WFDC8: variants seen among roughly 807,000 people sequenced by gnomAD.
The protein encoded by WFDC8 is WAP four-disulfide core domain 8, also known as WAP four-disulfide core domain protein 8.
In WFDC8, 24 loss-of-function variants were observed where a neutral mutation model predicts 27.0. The ratio of observed to expected loss-of-function variants is 0.89; its 90% CI spans 0.64 to 1.25. The LOEUF is 1.25. Among genes scored for constraint, WFDC8 ranks in the 50% most tolerant of loss-of-function variants. WFDC8 has a pLI of 0.00. For missense variants in WFDC8, 287 were observed against 295.9 expected, an observed-to-expected ratio of 0.97 and a Z score of 0.22; for synonymous variants, 106 against 99.7, an observed-to-expected ratio of 1.06 and a Z score of -0.38.
At chr20:45,575,991 C>A (rs1981032160) in intron 1 of WFDC8, among the ~76,000 whole-genome samples, 1 of 151,338 alleles carries the variant, frequency 6.6e-6, no homozygotes, top group Non-Finnish European at 1.5e-5. Context: ...ATACACCTTG[C>A]CCTAAGTTCA....
rs1380842669 is a variant in WFDC8, at chr20:45,558,918, C to G, written c.211G>C (p.Asp71His). The G allele has an allele frequency of 1.2e-6, 2 of 1,614,082 alleles. No homozygotes were observed. Among genetic ancestry groups the G allele is most frequent in the Non-Finnish European group, 1.7e-6 (2 of 1,180,038 alleles). ...CAGCACTTCTGGTATTCCTTGCAGT[C>G]AAAATCTGTGTTACATGAGTCCGGA... ...ELPDSCNTDF[D>H]CKEYQKCCFF... The change falls in exon 3 of 6, where the codon GAC becomes CAC. Residue 71 changes from aspartate (D) to histidine (H), a missense_variant. Coordinates refer to ENST00000289953, the MANE Select transcript of WFDC8 (RefSeq NM_130896.3).
At chr20:45,562,340 C>T in intron 1 of WFDC8, 121 bp from the exon 2 acceptor site, 1 of 749,770 alleles carries the variant, frequency 1.3e-6, no homozygotes, top group East Asian at 2.7e-5. Flanking sequence ...AGAAGACTGA[C>T]ACCAGCATGG....
At chr20:45,569,934 A>T (rs6032333) in intron 1 of WFDC8, among the ~76,000 whole-genome samples, 2,747 of 152,336 alleles carry the variant, frequency 0.018, 77 homozygotes, top group African/African-American at 0.056. Context: ...TAATGCAGGA[A>T]CAGAAAACCA....
chr20:45,578,018 AAAAAAT>A (rs61399493), intron 1 of WFDC8, among the ~76,000 whole-genome samples: 1 of 63,616 alleles, frequency 1.6e-5, no homozygotes, highest in South Asian at 3.7e-4. Flanking sequence ...AACAAAACAA[AAAAAAT>A]AAAAATAAAA....
chr20:45,557,864 C>G (rs1023280289), intron 3 of WFDC8, among the ~76,000 whole-genome samples: 1 of 152,122 alleles, frequency 6.6e-6, no homozygotes, highest in Non-Finnish European at 1.5e-5. Context: ...GAAGAAACAG[C>G]CCCTGATGTC....
At position 45,551,916 on chromosome 20, in the gene WFDC8, A is replaced by G. The variant is rs552566562; in HGVS notation, c.*110T>C. ...TAAAATCAAAGTAACATCATTCAAT[A>G]TTGTGATACTTAAGATAATTTGGCA... On this transcript the variant is annotated 3_prime_UTR_variant, in exon 6 of 6. Coordinates refer to ENST00000289953, the MANE Select transcript of WFDC8 (RefSeq NM_130896.3). 4.7e-6 allele frequency: 6 copies of G among 1,283,986 alleles called. No homozygotes were observed. Among genetic ancestry groups the G allele is most frequent in the Admixed American group, 4.3e-5 (2 of 46,164 alleles). 79.5% of individuals were successfully genotyped at this position (1,283,986 alleles called of 1,614,324 possible).
At chr20:45,577,123 T>G (rs1256109595) in intron 1 of WFDC8, among the ~76,000 whole-genome samples, 1 of 151,520 alleles carries the variant, frequency 6.6e-6, no homozygotes, top group African/African-American at 2.4e-5. Flanking sequence ...GGCAACGCTC[T>G]GCTTGTTTAA....
intron 1 of WFDC8, among the ~76,000 whole-genome samples, chr20:45,576,177 T>C (rs192017470): frequency 6.6e-6 from 1 of 151,508 alleles, no homozygotes; most frequent in Non-Finnish European, 1.5e-5. Flanking sequence ...TCTTTTACAT[T>C]TTTTGTCCTT....
chr20:45,569,450 CA>C lies in WFDC8; in HGVS notation c.27-7232del, dbSNP rs1417131273. On this transcript the variant is annotated intron_variant, in intron 1 of 5. Coordinates refer to ENST00000289953, the MANE Select transcript of WFDC8 (RefSeq NM_130896.3). ...CATTATTATTATATCATTGAAATAA[CA>C]AATGGATTTTAAAAATTAATTCATA... 4.6e-5 allele frequency among the ~76,000 whole-genome samples: 7 copies of C among 152,012 alleles called. 1 individual carries two copies. The highest frequency in any genetic ancestry group is 3.9e-4 in the Admixed American group (6 of 15,252).
chr20:45,577,824 C>A lies in WFDC8; in HGVS notation c.26+1398G>T, dbSNP rs962532539. 1.0e-4 allele frequency among the ~76,000 whole-genome samples: 15 copies of A among 149,254 alleles called. No individual in the cohort carries two copies. The East Asian group carries it at 3.0e-3, about 30-fold the overall frequency. ...GAGTTCAAGACTAGCCTGGCCAACA[C>A]GGTGAAACCCTGTCTCTACTAAAAA... is the stretch of plus-strand genomic sequence containing the variant. On this transcript the variant is annotated intron_variant, in intron 1 of 5. Coordinates refer to ENST00000289953, the MANE Select transcript of WFDC8 (RefSeq NM_130896.3).
chr20:45,576,124 AC>A (rs1266443608), intron 1 of WFDC8, among the ~76,000 whole-genome samples: 1 of 151,270 alleles, frequency 6.6e-6, no homozygotes. Context: ...AGTACAGAAC[AC>A]TCCGTACATA....
At chr20:45,561,863 A>G (rs753854588) in intron 2 of WFDC8, among the ~76,000 whole-genome samples, 1 of 152,038 alleles carries the variant, frequency 6.6e-6, no homozygotes, top group Non-Finnish European at 1.5e-5. Flanking sequence ...GATCATCCCT[A>G]GTAGATGCAA....
chr20:45,558,941 G>A lies in WFDC8; in HGVS notation c.188C>T (p.Pro63Leu), dbSNP rs367633554. 22 of 1,614,062 alleles carry A rather than the reference G, an allele frequency of 1.4e-5. No homozygotes were observed. Among genetic ancestry groups the A allele is most frequent in the East Asian group, 8.9e-5 (4 of 44,900 alleles). The change falls in exon 3 of 6, where the codon CCG (proline) becomes CTG (leucine). Residue 63 changes from proline to leucine, a missense_variant. By Grantham distance (98) the Pro-to-Leu change is moderately conservative. Transcript: ENST00000289953. The part of the protein sequence containing the change: ...KERLTCTTEL[P>L]DSCNTDFDCK... ...GTCAAAATCTGTGTTACATGAGTCC[G>A]GAAGTTCAGTGGTACAGGTGAGCCT... is the stretch of plus-strand genomic sequence containing the variant.
intron 1 of WFDC8, among the ~76,000 whole-genome samples, chr20:45,565,817 G>GA (rs1427697794): frequency 6.6e-6 from 1 of 152,162 alleles, no homozygotes; most frequent in Non-Finnish European, 1.5e-5. Flanking sequence ...GAAAAATGAA[G>GA]ACATTCTTTT....
chr20:45,562,441 G>T (rs991692764), intron 1 of WFDC8, among the ~76,000 whole-genome samples: 3 of 152,178 alleles, frequency 2.0e-5, no homozygotes, highest in African/African-American at 7.2e-5. Flanking sequence ...ACCCTGCCAT[G>T]GTGCTGTACC....
rs760909719 is a variant in WFDC8 at position 45,562,092 on chromosome 20, C to T, written c.136+18G>A. 1 of 1,609,298 alleles carries T rather than the reference C, an allele frequency of 6.2e-7. No homozygotes were observed. Among genetic ancestry groups the T allele is most frequent in the Non-Finnish European group, 8.5e-7 (1 of 1,175,838 alleles). On this transcript the variant is annotated intron_variant, in intron 2 of 5. Transcript: ENST00000289953. ...AATGCTTTCTAAGGAAGAATGGCTG[C>T]AGCTTTTTTGAACTCACGTTTGATC...
At chr20:45,552,604 A>T (rs553147479) in intron 5 of WFDC8, among the ~76,000 whole-genome samples, 6 of 152,220 alleles carry the variant, frequency 3.9e-5, no homozygotes, top group East Asian at 1.9e-4. Context: ...CTGCCACCAC[A>T]CTATACTGAA....
Position 45,552,037 on chromosome 20 carries a change from G to T in WFDC8, c.715C>A (p.Pro239Thr), listed in dbSNP as rs1465758928. 1 of 1,613,742 alleles carries T rather than the reference G, an allele frequency of 6.2e-7. No homozygotes were observed. The highest frequency in any genetic ancestry group is 1.1e-5 in the South Asian group (1 of 91,016). ...TTTCTACTTACTATTCAACGTCTGGGGTCCATACATTTCAGTCCACAATGT... is the reference window on the plus strand; with the variant it reads ...TTTCTACTTACTATTCAACGTCTGGTGTCCATACATTTCAGTCCACAATGT... Reference protein sequence around the residue: ...CSHCGLKCMDPRR With the variant: ...CSHCGLKCMDTRR The change falls in exon 6 of 6, where the codon CCC becomes ACC. Residue 239 changes from proline to threonine, a missense_variant. Physicochemically the swap from Pro to Thr is conservative, Grantham distance 38. Transcript: ENST00000289953.
At chr20:45,572,396 CAAA>C (rs768958375) in intron 1 of WFDC8, among the ~76,000 whole-genome samples, 4 of 49,420 alleles carry the variant, frequency 8.1e-5, no homozygotes, top group Admixed American at 2.1e-4. Flanking sequence ...GAATCCATCT[CAAA>C]AAAAAAAAAA....
Sources: allele counts gnomAD v4.1 joint callset (sites outside exome capture counted in the v4.1 genomes callset), GRCh38; gene constraint gnomAD v4.1.1; transcripts MANE v1.5; gene names NCBI Gene and HGNC (gene_info 2026-07-23, HGNC 2026-07-21).